RAB11FIP4: variants seen among roughly 807,000 people sequenced by gnomAD.
RAB11FIP4 encodes the protein rab11 family-interacting protein 4.
In RAB11FIP4, 23 loss-of-function variants were observed where a neutral mutation model predicts 74.3. The ratio of observed to expected loss-of-function variants is 0.31; its 90% confidence interval spans 0.22 to 0.44. RAB11FIP4 has a LOEUF of 0.44. RAB11FIP4 is among the 20% of genes least tolerant of loss of function. The pLI is 1.00. For missense variants in RAB11FIP4, 630 were observed against 863.9 expected (o/e 0.73, Z 3.39); for synonymous variants, 360 against 359.9 (o/e 1.00, Z 0.00).
chr17:31,465,831 G>A (rs1166864355), intron 3 of RAB11FIP4: 5 of 151,760 alleles, frequency 3.3e-5, no homozygotes, highest in African/African-American at 1.2e-4. Context: ...GCAAGACCCT[G>A]TCTTTAAAAA....
intron 3 of RAB11FIP4, among the ~76,000 whole-genome samples, chr17:31,472,309 G>C (rs919256189): frequency 6.6e-6 from 1 of 152,204 alleles, no homozygotes; most frequent in Non-Finnish European, 1.5e-5. Flanking sequence ...CATACCCAGC[G>C]CAGGGAACCT....
rs1163318493 is a variant in RAB11FIP4, at chr17:31,536,061, A to C, written c.*4329A>C. The stretch of plus-strand genomic sequence containing the variant: ...TTGGGGGGGGGGGGCGCGGGGACAG[A>C]AGCGCGGGTTCTTGGTTCCAATGAG... On this transcript the variant is annotated 3_prime_UTR_variant, in exon 15 of 15. Coordinates refer to ENST00000621161, the MANE Select transcript of RAB11FIP4 (RefSeq NM_032932.6). 1 of 151,478 alleles carries C rather than the reference A, an allele frequency of 6.6e-6. No homozygotes were observed. 9.4% of individuals were successfully genotyped at this position (151,478 alleles called of 1,614,324 possible).
intron 3 of RAB11FIP4, among the ~76,000 whole-genome samples, chr17:31,488,931 G>A (rs2071954207): frequency 6.6e-6 from 1 of 152,226 alleles, no homozygotes; most frequent in Admixed American, 6.5e-5. Context: ...GCGTGTCTGT[G>A]CTGTGGGGAA....
chr17:31,486,196 T>C (rs1211917284), intron 3 of RAB11FIP4, among the ~76,000 whole-genome samples: 2 of 151,058 alleles, frequency 1.3e-5, no homozygotes, highest in Non-Finnish European at 2.9e-5. Flanking sequence ...CTCACGCCAC[T>C]GCACTCCAGC....
chr17:31,410,665 G>A (rs2151619132), intron 1 of RAB11FIP4, among the ~76,000 whole-genome samples: 2 of 152,288 alleles, frequency 1.3e-5, no homozygotes, highest in Middle Eastern at 6.8e-3. Context: ...GGCTGGGACT[G>A]CTGTGGGCTG....
chr17:31,473,800 T>G (rs2071763796), intron 3 of RAB11FIP4, among the ~76,000 whole-genome samples: 1 of 152,160 alleles, frequency 6.6e-6, no homozygotes, highest in African/African-American at 2.4e-5. Context: ...CATGTTAATT[T>G]GAGCTGCCCA....
chr17:31,412,050 G>A (rs2071102038), intron 1 of RAB11FIP4, among the ~76,000 whole-genome samples: 3 of 152,170 alleles, frequency 2.0e-5, no homozygotes, highest in African/African-American at 7.2e-5. Flanking sequence ...AATCACCTGG[G>A]GAGCAGCTTG....
chr17:31,400,367 C>A (rs2070973108), intron 1 of RAB11FIP4, among the ~76,000 whole-genome samples: 1 of 152,202 alleles, frequency 6.6e-6, no homozygotes, highest in South Asian at 2.1e-4. Flanking sequence ...TGCCCAGGGG[C>A]TTAGAGGCAC....
chr17:31,483,965 T>C (rs2071875679), intron 3 of RAB11FIP4, among the ~76,000 whole-genome samples: 2 of 152,046 alleles, frequency 1.3e-5, no homozygotes. Context: ...TCCCAGCATT[T>C]TGGGAAGCTG....
intron 3 of RAB11FIP4, among the ~76,000 whole-genome samples, chr17:31,489,383 A>G (rs1380499925): frequency 6.6e-6 from 1 of 151,896 alleles, no homozygotes; most frequent in Non-Finnish European, 1.5e-5. Flanking sequence ...GGCAGTACTA[A>G]TTGTGTGCCA....
chr17:31,457,413 G>A (rs178873), intron 3 of RAB11FIP4, among the ~76,000 whole-genome samples: 84,249 of 151,642 alleles, frequency 0.56, 23,936 homozygotes, highest in African/African-American at 0.65. Context: ...CCCCAGTTCC[G>A]GCCATGCCCT....
rs1375991632 is a variant in RAB11FIP4, at chr17:31,535,046, T to TTA, written c.*3316_*3317dup. On this transcript the variant is annotated 3_prime_UTR_variant, in exon 15 of 15. Coordinates refer to ENST00000621161, the MANE Select transcript of RAB11FIP4 (RefSeq NM_032932.6). ...TGAATTGGCCAGAGTTTATCCTAGA[T>TTA]TATTTTATTTTAAATTGGTAGAATT... 2.0e-5 allele frequency: 3 copies of TTA among 152,818 alleles called. No homozygotes were observed. The highest frequency in any genetic ancestry group is 2.0e-4 in the Admixed American group (3 of 15,290). 9.5% of individuals were successfully genotyped at this position (152,818 alleles called of 1,614,324 possible). A position where few individuals can be genotyped will look rare whatever the true frequency, so the allele number is the denominator to read the frequency against.
At chr17:31,448,661 A>G (rs982716043) in intron 3 of RAB11FIP4, among the ~76,000 whole-genome samples, 1 of 152,014 alleles carries the variant, frequency 6.6e-6, no homozygotes, top group Non-Finnish European at 1.5e-5. Context: ...GGCAGGCTCC[A>G]GGAATGATGT....
Position 31,530,479 on chromosome 17 carries a change from C to G in RAB11FIP4, c.1797+10C>G. 1 of 1,606,538 alleles carries G rather than the reference C, an allele frequency of 6.2e-7. No homozygotes were observed. The highest frequency in any genetic ancestry group is 8.5e-7 in the Non-Finnish European group (1 of 1,174,098). On this transcript the variant is annotated intron_variant, in intron 14 of 14. Coordinates refer to ENST00000621161, the MANE Select transcript of RAB11FIP4 (RefSeq NM_032932.6). ...CGCCTCGCGCGATGAGGTAACCACACCACCGGCTCTTGCTTTGGGGCCTGG... is the reference window on the plus strand; with the variant it reads ...CGCCTCGCGCGATGAGGTAACCACAGCACCGGCTCTTGCTTTGGGGCCTGG...
chr17:31,446,605 T>G (rs1195320571), intron 3 of RAB11FIP4, among the ~76,000 whole-genome samples: 1 of 152,000 alleles, frequency 6.6e-6, no homozygotes, highest in African/African-American at 2.4e-5. Context: ...GTAGGTGTAT[T>G]TGTCTCCTGA....
At chr17:31,439,946 A>G (rs1388460595) in intron 3 of RAB11FIP4, among the ~76,000 whole-genome samples, 2 of 152,124 alleles carry the variant, frequency 1.3e-5, no homozygotes, top group African/African-American at 2.4e-5. Context: ...TGAAATCTCT[A>G]TATATCCTGA....
intron 1 of RAB11FIP4, among the ~76,000 whole-genome samples, chr17:31,398,829 G>A (rs1170719873): frequency 6.6e-6 from 1 of 152,198 alleles, no homozygotes; most frequent in African/African-American, 2.4e-5. Flanking sequence ...GTGCTGCCTG[G>A]GCTGGTGGGC....
chr17:31,503,666 TCAGC>T (rs2072262808), intron 3 of RAB11FIP4, among the ~76,000 whole-genome samples: 1 of 149,814 alleles, frequency 6.7e-6, no homozygotes, highest in African/African-American at 2.6e-5. Flanking sequence ...TCTTATGACC[TCAGC>T]CATCCATTGC....
intron 3 of RAB11FIP4, among the ~76,000 whole-genome samples, chr17:31,506,067 G>A (rs1198406800): frequency 6.6e-6 from 1 of 151,992 alleles, no homozygotes; most frequent in African/African-American, 2.4e-5. Context: ...TTTGCTTTAT[G>A]TTTTGAGACT....
Sources: gnomAD v4.1 joint callset for allele counts (sites outside exome capture counted in the v4.1 genomes callset) on GRCh38, gnomAD v4.1.1 for gene constraint, MANE v1.5 for transcripts, NCBI Gene and HGNC (gene_info 2026-07-23, HGNC 2026-07-21) for gene names.